UGT8: variants seen among roughly 807,000 people sequenced by gnomAD.
UGT8 encodes 2-hydroxyacylsphingosine 1-beta-galactosyltransferase.
Under a neutral mutation model 40.5 loss-of-function variants are expected in UGT8, and 12 were observed. The ratio of observed to expected loss-of-function variants is 0.30; its 90% CI spans 0.19 to 0.48. The LOEUF (loss-of-function observed/expected upper bound fraction) is 0.48, where lower values mean the gene tolerates loss of function less well. UGT8 is among the 20% of genes least tolerant of loss of function. UGT8 has a pLI of 0.99. For synonymous variants in UGT8, 224 were observed against 240.4 expected (o/e 0.93, Z 0.63); for missense variants, 513 against 648.7 (o/e 0.79, Z 2.27).
chr4:114,665,762 T>G lies in UGT8; in HGVS notation c.1042+6T>G. On this transcript the variant is annotated splice_donor_region_variant and intron_variant, in intron 4 of 5. Transcript: ENST00000310836. Reference sequence around the variant, plus strand: ...ACCACAAAATGACCTGCTTGGTAAGTCAATGATGTGTGGTTACTTACTTGG... The same window carrying G: ...ACCACAAAATGACCTGCTTGGTAAGGCAATGATGTGTGGTTACTTACTTGG... 6.2e-7 allele frequency: 1 copy of G among 1,601,580 alleles called. No individual in the cohort carries two copies. The highest frequency in any genetic ancestry group is 8.5e-7 in the Non-Finnish European group (1 of 1,175,468).
intron 1 of UGT8, among the ~76,000 whole-genome samples, chr4:114,606,104 C>A (rs190356071): frequency 1.9e-4 from 29 of 152,116 alleles, no homozygotes; most frequent in Middle Eastern, 3.4e-3. Flanking sequence ...ACAACAACAA[C>A]AAAAAACTTG....
At chr4:114,624,681 A>T (rs764343860) in intron 2 of UGT8, among the ~76,000 whole-genome samples, 1 of 152,222 alleles carries the variant, frequency 6.6e-6, no homozygotes, top group African/African-American at 2.4e-5. Flanking sequence ...GATGAGGACA[A>T]TCACATGGCT....
At chr4:114,656,225 CTG>C (rs1441525412) in intron 2 of UGT8, among the ~76,000 whole-genome samples, 1 of 151,800 alleles carries the variant, frequency 6.6e-6, no homozygotes, top group Non-Finnish European at 1.5e-5. Context: ...TCATCAGTCT[CTG>C]TGTCTTTATG....
At chr4:114,642,234 A>G (rs536713186) in intron 2 of UGT8, among the ~76,000 whole-genome samples, 2 of 151,772 alleles carry the variant, frequency 1.3e-5, no homozygotes, top group Admixed American at 6.6e-5. Flanking sequence ...TTAGCGATTT[A>G]TATCTTTGAG....
At chr4:114,640,097 C>A (rs1428469648) in intron 2 of UGT8, among the ~76,000 whole-genome samples, 2 of 146,762 alleles carry the variant, frequency 1.4e-5, no homozygotes, top group East Asian at 4.1e-4. Flanking sequence ...GTGGCGCGAT[C>A]TCGGCTCACT....
chr4:114,609,625 G>T (rs1434479095), intron 1 of UGT8, among the ~76,000 whole-genome samples: 1 of 152,052 alleles, frequency 6.6e-6, no homozygotes, highest in African/African-American at 2.4e-5. Flanking sequence ...TTGTGTGGGG[G>T]AGGGATTGGA....
At chr4:114,626,119 A>G (rs1732202553) in intron 2 of UGT8, among the ~76,000 whole-genome samples, 2 of 152,152 alleles carry the variant, frequency 1.3e-5, no homozygotes, top group African/African-American at 2.4e-5. Flanking sequence ...GTTTTTGAGC[A>G]GGGAGTATTT....
chr4:114,604,840 T>C (rs1730645313), intron 1 of UGT8, among the ~76,000 whole-genome samples: 1 of 152,204 alleles, frequency 6.6e-6, no homozygotes, highest in Non-Finnish European at 1.5e-5. Flanking sequence ...TTTAATCATA[T>C]TCTTTACCTG....
chr4:114,670,115 A>G lies in UGT8; in HGVS notation c.1262+1811A>G, dbSNP rs563181462. Among the ~76,000 whole-genome samples, 29 of 152,288 alleles carry G rather than the reference A, an allele frequency of 1.9e-4. No homozygotes were observed. In the South Asian group the frequency reaches 6.0e-3, roughly 32 times the overall value. On this transcript the variant is annotated intron_variant, in intron 5 of 5. Transcript: ENST00000310836. Reference sequence around the variant, plus strand: ...GAACTGGGAAGAGACACACACAAAAAAGAAAACTTCAGGCCAATATCGCTG... The same window carrying G: ...GAACTGGGAAGAGACACACACAAAAGAGAAAACTTCAGGCCAATATCGCTG...
chr4:114,665,409 C>T, intron 3 of UGT8: 6 of 985,196 alleles, frequency 6.1e-6, no homozygotes, highest in Non-Finnish European at 7.2e-6. Context: ...TTTGTTTTTC[C>T]CATCTCTGTA....
chr4:114,663,552 A>T (rs1246523627), intron 2 of UGT8: 1 of 212,018 alleles, frequency 4.7e-6, no homozygotes, highest in East Asian at 1.8e-4. Context: ...AACTGCTTTG[A>T]TTTTCAACAC....
intron 2 of UGT8, among the ~76,000 whole-genome samples, chr4:114,658,603 G>A (rs147748774): frequency 6.4e-4 from 98 of 152,218 alleles, no homozygotes; most frequent in African/African-American, 2.1e-3. Flanking sequence ...GGCTTGCACC[G>A]TTCAACTTTT....
chr4:114,607,791 C>A (rs1386594123), intron 1 of UGT8, among the ~76,000 whole-genome samples: 2 of 152,054 alleles, frequency 1.3e-5, no homozygotes, highest in African/African-American at 4.8e-5. Context: ...TTCATGAAGA[C>A]CTTCTTCCCT....
At chr4:114,635,951 A>G (rs964900596) in intron 2 of UGT8, among the ~76,000 whole-genome samples, 3 of 152,202 alleles carry the variant, frequency 2.0e-5, no homozygotes, top group Admixed American at 1.3e-4. Flanking sequence ...ACAACTTTTC[A>G]TATGAATACA....
At chr4:114,645,246 C>T (rs74404944) in intron 2 of UGT8, among the ~76,000 whole-genome samples, 1 of 152,126 alleles carries the variant, frequency 6.6e-6, no homozygotes, top group Non-Finnish European at 1.5e-5. Flanking sequence ...TTAAAACAAT[C>T]CCAGTGGTGA....
At chr4:114,630,151 C>G (rs1732481047) in intron 2 of UGT8, among the ~76,000 whole-genome samples, 1 of 152,088 alleles carries the variant, frequency 6.6e-6, no homozygotes, top group Admixed American at 6.5e-5. Flanking sequence ...GAGCTTGTGA[C>G]AAATCAGTGG....
At chr4:114,640,093 C>T (rs1199339090) in intron 2 of UGT8, among the ~76,000 whole-genome samples, 4 of 148,478 alleles carry the variant, frequency 2.7e-5, no homozygotes, top group Non-Finnish European at 5.9e-5. Context: ...TGCAGTGGCG[C>T]GATCTCGGCT....
chr4:114,613,177 C>T (rs1463730747), intron 1 of UGT8, among the ~76,000 whole-genome samples: 1 of 152,004 alleles, frequency 6.6e-6, no homozygotes, highest in Non-Finnish European at 1.5e-5. Flanking sequence ...CATTATGTGT[C>T]ACTTAAAATG....
chr4:114,650,401 G>A (rs1733831270), intron 2 of UGT8, among the ~76,000 whole-genome samples: 1 of 152,138 alleles, frequency 6.6e-6, no homozygotes, highest in South Asian at 2.1e-4. Flanking sequence ...TTGAGCAGTA[G>A]GATATAAATA....
Sources: gnomAD v4.1 joint callset for allele counts (sites outside exome capture counted in the v4.1 genomes callset) on GRCh38, gnomAD v4.1.1 for gene constraint, MANE v1.5 for transcripts, NCBI Gene and HGNC (gene_info 2026-07-23, HGNC 2026-07-21) for gene names.